The following XRRA1 variants were observed in gnomAD, a reference collection of about 807,000 sequenced individuals.
XRRA1 encodes the protein X-ray radiation resistance associated 1, also known as X-ray radiation resistance-associated protein 1.
A neutral mutation model predicts 80.2 loss-of-function variants in XRRA1; 69 were observed. The observed-to-expected ratio is 0.86, with a 90% CI of 0.71 to 1.05. The LOEUF is 1.05. Ranked by LOEUF, XRRA1 falls within the 50% of genes least tolerant of loss-of-function variation. The probability of loss-of-function intolerance (pLI) is 0.00; values close to 1 mark genes in which losing one functional copy is unlikely to be tolerated. For missense variants in XRRA1, 967 were observed against 976.4 expected (o/e 0.99, Z 0.13); for synonymous variants, 348 against 389.9 (o/e 0.89, Z 1.27).
chr11:74,859,072 G>T, intron 12 of XRRA1, 86 bp downstream of exon 12: 1 of 1,446,480 alleles, frequency 6.9e-7, no homozygotes, highest in African/African-American at 1.5e-5. Context: ...GGAATTGAAT[G>T]GAGGGTTGGT....
In XRRA1 at chr11:74,907,193, TTG is replaced by T; in HGVS notation, c.735_736del (p.Asp245GlufsTer25). On this transcript the variant is annotated frameshift_variant, in exon 9 of 19. Coordinates refer to ENST00000684022, the MANE Select transcript of XRRA1 (RefSeq NM_001378157.1). LOFTEE classifies it high-confidence loss of function. The stretch of plus-strand genomic sequence containing the variant: ...AAAGCAACTGGGGTTGGAGAGTCTG[TTG>T]TCATCCAGCATCAGTGTCTCCAGCG... 1 of 1,613,976 alleles carries T rather than the reference TTG, an allele frequency of 6.2e-7. No homozygotes were observed. The highest frequency in any genetic ancestry group is 8.5e-7 in the Non-Finnish European group (1 of 1,179,878).
At position 74,841,114 on chromosome 11, in the gene XRRA1, A is replaced by G. The variant is rs1449686905; in HGVS notation, c.*2086T>C. 2 of 152,174 alleles carry G rather than the reference A, an allele frequency of 1.3e-5. No individual in the cohort carries two copies. Among genetic ancestry groups the G allele is most frequent in the Non-Finnish European group, 2.9e-5 (2 of 68,038 alleles). 9.4% of individuals were successfully genotyped at this position (152,174 alleles called of 1,614,324 possible). ...TTTTGATTGGAATAATTTTAATTAA[A>G]TTTAATGATTTTAATTAAGAATTAA... On this transcript the variant is annotated 3_prime_UTR_variant, in exon 19 of 19. Transcript: ENST00000684022.
At chr11:74,901,284 T>C (rs772865059) in intron 10 of XRRA1, among the ~76,000 whole-genome samples, 16 of 151,208 alleles carry the variant, frequency 1.1e-4, no homozygotes, top group Admixed American at 4.0e-4. Flanking sequence ...ATGAAAGAAA[T>C]TGAAAAGGAC....
intron 10 of XRRA1, among the ~76,000 whole-genome samples, chr11:74,881,834 C>G (rs1388654327): frequency 6.7e-6 from 1 of 148,908 alleles, no homozygotes; most frequent in African/African-American, 2.5e-5. Flanking sequence ...TGAATATTGG[C>G]CCCCACTCTC....
chr11:74,920,133 C>T (rs898991996), intron 8 of XRRA1: 1 of 156,734 alleles, frequency 6.4e-6, no homozygotes, highest in African/African-American at 2.4e-5. Context: ...ACGCAGAGAC[C>T]TGACAACATC....
In XRRA1 at chr11:74,848,405, T is replaced by G; in HGVS notation, c.1438A>C (p.Met480Leu). The G allele has an allele frequency of 6.2e-7, 1 of 1,613,894 alleles. No individual in the cohort carries two copies. Among genetic ancestry groups the G allele is most frequent in the Non-Finnish European group, 8.5e-7 (1 of 1,179,828 alleles). ...KQPLVLHHPR[M>L]TTTKSPSKDM... The stretch of plus-strand genomic sequence containing the variant: ...TTTGAGGGAGACTTGGTTGTCGTCA[T>G]GCGCGGGTGATGGAGCACCAGAGGC... Residue 480 changes from methionine to leucine, a missense_variant, in exon 15 of 19, where the codon ATG becomes CTG. Transcript: ENST00000684022.
At chr11:74,843,576 G>T in intron 18 of XRRA1, 123 bp from the exon 19 acceptor site, 1 of 1,347,508 alleles carries the variant, frequency 7.4e-7, no homozygotes, top group Non-Finnish European at 1.0e-6. Context: ...ATGCTAAGGG[G>T]CTAAAAATGG....
chr11:74,867,333 A>G (rs1211663649), intron 10 of XRRA1, among the ~76,000 whole-genome samples: 1 of 150,870 alleles, frequency 6.6e-6, no homozygotes, highest in Non-Finnish European at 1.5e-5. Context: ...TAAGGAATAA[A>G]TAAAATAATA....
chr11:74,864,627 G>A (rs538404574), intron 10 of XRRA1, among the ~76,000 whole-genome samples: 4 of 152,226 alleles, frequency 2.6e-5, no homozygotes, highest in Non-Finnish European at 5.9e-5. Flanking sequence ...CCTTGAGCCT[G>A]CAACCAAAAC....
chr11:74,894,803 A>G (rs1431274250), intron 10 of XRRA1, among the ~76,000 whole-genome samples: 1 of 152,232 alleles, frequency 6.6e-6, no homozygotes, highest in Non-Finnish European at 1.5e-5. Context: ...TTTCTCTTAA[A>G]AATGTCATCT....
At chr11:74,919,727 A>C in intron 8 of XRRA1, 1 of 474,384 alleles carries the variant, frequency 2.1e-6, no homozygotes, top group South Asian at 1.8e-5. Flanking sequence ...GAGCACTCAA[A>C]GAGATTCGGA....
intron 10 of XRRA1, among the ~76,000 whole-genome samples, chr11:74,864,940 A>G (rs2043066605): frequency 6.6e-6 from 1 of 152,196 alleles, no homozygotes; most frequent in South Asian, 2.1e-4. Context: ...CAGACTGTGC[A>G]GGGACTTGCT....
At chr11:74,882,004 A>G (rs1410708772) in intron 10 of XRRA1, among the ~76,000 whole-genome samples, 1 of 144,390 alleles carries the variant, frequency 6.9e-6, no homozygotes, top group Non-Finnish European at 1.5e-5. Flanking sequence ...GCTCTTCTCA[A>G]GGAGTATCTT....
intron 10 of XRRA1, among the ~76,000 whole-genome samples, chr11:74,874,229 G>A (rs1333920627): frequency 6.9e-5 from 4 of 57,838 alleles, no homozygotes; most frequent in South Asian, 7.0e-4. Context: ...GCAAGACTCC[G>A]TCTCAAAAAA....
chr11:74,847,366 A>AGTTCAAGGG (rs1436662019), intron 15 of XRRA1, among the ~76,000 whole-genome samples: 58 of 152,268 alleles, frequency 3.8e-4, no homozygotes, highest in African/African-American at 1.4e-3. Context: ...ACAGTAATAA[A>AGTTCAAGGG]GTTCAAGGGG....
At chr11:74,883,077 A>C (rs1232842877) in intron 10 of XRRA1, among the ~76,000 whole-genome samples, 1 of 152,182 alleles carries the variant, frequency 6.6e-6, no homozygotes, top group Admixed American at 6.5e-5. Flanking sequence ...TACCTAATCA[A>C]GCCTGGGCAA....
chr11:74,859,030 A>G (rs1455450011), intron 12 of XRRA1, 128 bp downstream of exon 12: 1 of 1,286,164 alleles, frequency 7.8e-7, no homozygotes, highest in Non-Finnish European at 1.0e-6. Context: ...CCCCACCCTG[A>G]GAATTCCTGA....
rs1198899903 is a variant in XRRA1, at chr11:74,841,121, G to T, written c.*2079C>A. 3 of 152,030 alleles carry T rather than the reference G, an allele frequency of 2.0e-5. No homozygotes were observed. Among genetic ancestry groups the T allele is most frequent in the Admixed American group, 2.0e-4 (3 of 15,264 alleles). The allele number at this position is 152,030 out of a possible 1,614,324, so 9.4% of individuals were successfully genotyped here. Reference sequence around the variant, plus strand: ...TGGAATAATTTTAATTAAATTTAATGATTTTAATTAAGAATTAAAAGCCAG... The same window carrying T: ...TGGAATAATTTTAATTAAATTTAATTATTTTAATTAAGAATTAAAAGCCAG... On this transcript the variant is annotated 3_prime_UTR_variant, in exon 19 of 19. Coordinates refer to ENST00000684022, the MANE Select transcript of XRRA1 (RefSeq NM_001378157.1).
intron 11 of XRRA1, 148 bp downstream of exon 11, chr11:74,862,833 G>C (rs377409059): frequency 1.4e-6 from 1 of 699,536 alleles, no homozygotes; most frequent in Non-Finnish European, 2.4e-6. Context: ...GTACATGATA[G>C]GTACTTGGCA....
Sources: allele counts gnomAD v4.1 joint callset (sites outside exome capture counted in the v4.1 genomes callset), GRCh38; gene constraint gnomAD v4.1.1; transcripts MANE v1.5; gene names NCBI Gene and HGNC (gene_info 2026-07-23, HGNC 2026-07-21).